The following MAGI1 variants were observed in gnomAD, a reference collection of about 807,000 sequenced individuals.
MAGI1 encodes membrane-associated guanylate kinase, WW and PDZ domain-containing protein 1.
Under a neutral mutation model 139.9 loss-of-function variants are expected in MAGI1, and 58 were observed. That is an observed-to-expected ratio of 0.41 (90% CI 0.34 to 0.52). The LOEUF is 0.52. Ranked by LOEUF, MAGI1 falls within the 20% of genes least tolerant of loss-of-function variation. The pLI is 0.12. For synonymous variants in MAGI1, 812 were observed against 737.9 expected (o/e 1.10, Z -1.63); for missense variants, 1,874 against 1,901.6 (o/e 0.99, Z 0.27).
rs1416568129 is a variant in MAGI1, at chr3:66,037,995, C to T, written c.313+1G>A. On this transcript the variant is annotated splice_donor_variant, in intron 1 of 22. Coordinates refer to ENST00000402939, the MANE Select transcript of MAGI1 (RefSeq NM_001033057.2). LOFTEE classifies it high-confidence loss of function. ...CCCCCCAAAGGCGCGCCCTGCCTTA[C>T]CTTGTCTGACGGCCTTGAAGGTGAC... is the stretch of plus-strand genomic sequence containing the variant. The T allele has an allele frequency of 1.3e-6, 2 of 1,570,282 alleles. No individual in the cohort carries two copies. Among genetic ancestry groups the T allele is most frequent in the African/African-American group, 1.4e-5 (1 of 73,986 alleles).
chr3:65,900,762 A>G (rs1334252623), intron 1 of MAGI1, among the ~76,000 whole-genome samples: 6 of 152,198 alleles, frequency 3.9e-5, no homozygotes, highest in Non-Finnish European at 8.8e-5. Flanking sequence ...TTCGCATAGA[A>G]CGCCATTACG....
At chr3:65,506,349 C>T (rs2077289150) in intron 2 of MAGI1, among the ~76,000 whole-genome samples, 1 of 152,140 alleles carries the variant, frequency 6.6e-6, no homozygotes, top group African/African-American at 2.4e-5. Flanking sequence ...CCACGCCCGC[C>T]CCCAACAACA....
chr3:65,417,259 C>T (rs1946292792), intron 12 of MAGI1, among the ~76,000 whole-genome samples: 1 of 152,110 alleles, frequency 6.6e-6, no homozygotes, highest in Admixed American at 6.6e-5. Context: ...CTGCAGCAAA[C>T]CACCATGGCA....
chr3:65,693,749 A>C (rs2088892352), intron 1 of MAGI1, among the ~76,000 whole-genome samples: 1 of 151,538 alleles, frequency 6.6e-6, no homozygotes, highest in South Asian at 2.1e-4. Context: ...TTGGAGATGG[A>C]GTCTTGTTCT....
In MAGI1 at chr3:65,707,621, T is replaced by C. The variant is rs542352692; in HGVS notation, c.314-85533A>G. On this transcript the variant is annotated intron_variant, in intron 1 of 22. Coordinates refer to ENST00000402939, the MANE Select transcript of MAGI1 (RefSeq NM_001033057.2). ...GGGAGGACTGCTTAAACCTGAGAGG[T>C]TGAAGCTACAGTGAACCATGATGGG... Among the ~76,000 whole-genome samples, 73 of 149,690 alleles carry C rather than the reference T, an allele frequency of 4.9e-4. No homozygotes were observed. In the East Asian group the frequency reaches 0.012, roughly 24 times the overall value.
At chr3:65,411,699 T>C (rs1224533197) in intron 12 of MAGI1, among the ~76,000 whole-genome samples, 1 of 152,174 alleles carries the variant, frequency 6.6e-6, no homozygotes, top group Non-Finnish European at 1.5e-5. Flanking sequence ...TTTGCATTGC[T>C]GACTTTTAGG....
intron 2 of MAGI1, among the ~76,000 whole-genome samples, chr3:65,601,875 C>A (rs925420055): frequency 1.3e-5 from 2 of 151,988 alleles, no homozygotes; most frequent in Non-Finnish European, 2.9e-5. Flanking sequence ...GTCCTTGTAT[C>A]CAGAATATGT....
rs116288222 is a variant in MAGI1 at position 65,820,456 on chromosome 3, G to A, written c.314-198368C>T. Among the ~76,000 whole-genome samples the A allele has an allele frequency of 1.9e-3, 282 of 152,244 alleles. 1 individual carries two copies. The highest frequency in any genetic ancestry group is 6.5e-3 in the African/African-American group (271 of 41,548). On this transcript the variant is annotated intron_variant, in intron 1 of 22. Transcript: ENST00000402939. ...CTGATGGATACAAGGGGTAGTTATG[G>A]CATAGGGATCTCTTTTAAGTCGAGG...
At chr3:65,375,281 C>A (rs141593631) in intron 18 of MAGI1, among the ~76,000 whole-genome samples, 3 of 151,642 alleles carry the variant, frequency 2.0e-5, no homozygotes, top group Admixed American at 1.3e-4. Flanking sequence ...CTCCGCCTCC[C>A]GGGTTCACAC....
intron 3 of MAGI1, among the ~76,000 whole-genome samples, chr3:65,480,566 A>T (rs1951212861): frequency 6.9e-6 from 1 of 145,500 alleles, no homozygotes; most frequent in Non-Finnish European, 1.5e-5. Flanking sequence ...ATCAGGCTTT[A>T]TTCTTATAAA....
rs139980041 is a variant in MAGI1 at position 65,565,055 on chromosome 3, C to T, written c.430+56917G>A. ...TCATTCTTTCCAAACCTAGATAACA[C>T]GAATAGGCTCCAAAACAAGCCTGCA... On this transcript the variant is annotated intron_variant, in intron 2 of 22. Transcript: ENST00000402939. Among the ~76,000 whole-genome samples, 407 of 152,254 alleles carry T rather than the reference C, an allele frequency of 2.7e-3. 2 individuals are homozygous for T. Among genetic ancestry groups the T allele is most frequent in the African/African-American group, 8.5e-3 (352 of 41,550 alleles).
At position 65,368,696 on chromosome 3, in the gene MAGI1, A is replaced by G. The variant is rs1472910161; in HGVS notation, c.3197-3750T>C. The stretch of plus-strand genomic sequence containing the variant: ...GGCGGCATGGGGAAATTTGAATCCC[A>G]TAAATATTTGAAAAGTTTTGGGGGA... On this transcript the variant is annotated intron_variant, in intron 18 of 22. Transcript: ENST00000402939. Among the ~76,000 whole-genome samples the G allele has an allele frequency of 3.3e-5, 5 of 152,334 alleles. No homozygotes were observed. The East Asian group carries it at 9.6e-4, about 29-fold the overall frequency.
chr3:65,429,212 C>T (rs2107335632), intron 12 of MAGI1, among the ~76,000 whole-genome samples: 1 of 152,190 alleles, frequency 6.6e-6, no homozygotes, highest in South Asian at 2.1e-4. Flanking sequence ...ATCTTCCTGC[C>T]TCAGCCTCTC....
At position 65,428,966 on chromosome 3, in the gene MAGI1, A is replaced by G. The variant is rs1947272753; in HGVS notation, c.2167+554T>C. On this transcript the variant is annotated intron_variant, in intron 12 of 22. Transcript: ENST00000402939. ...GGGCCTGAGGCAAGAAAAGGCTTGA[A>G]GCATTAAAGGAGCTCCATAAAAGCA... Among the ~76,000 whole-genome samples, 3 of 152,116 alleles carry G rather than the reference A, an allele frequency of 2.0e-5. No individual in the cohort carries two copies. The South Asian group carries it at 6.2e-4, about 32-fold the overall frequency.
chr3:65,509,286 T>G (rs1051090103), intron 2 of MAGI1, among the ~76,000 whole-genome samples: 24 of 152,130 alleles, frequency 1.6e-4, no homozygotes, highest in African/African-American at 5.1e-4. Flanking sequence ...ATTTGGGTTT[T>G]GTTTTTGGGG....
chr3:65,529,759 C>T (rs995248931), intron 2 of MAGI1, among the ~76,000 whole-genome samples: 2 of 152,136 alleles, frequency 1.3e-5, no homozygotes, highest in Admixed American at 6.5e-5. Context: ...TGTATACACA[C>T]ACATAGATAA....
At chr3:65,727,979 G>A (rs746056932) in intron 1 of MAGI1, among the ~76,000 whole-genome samples, 7 of 152,162 alleles carry the variant, frequency 4.6e-5, no homozygotes, top group Non-Finnish European at 8.8e-5. Context: ...AAGTCAATTA[G>A]TACCCCCACC....
intron 1 of MAGI1, among the ~76,000 whole-genome samples, chr3:65,668,981 G>A (rs2107449908): frequency 6.6e-6 from 1 of 152,146 alleles, no homozygotes; most frequent in East Asian, 1.9e-4. Flanking sequence ...TGCCCAGGCT[G>A]GAGTGCAGTG....
At chr3:65,463,138 C>T (rs567279223) in intron 5 of MAGI1, among the ~76,000 whole-genome samples, 1 of 151,946 alleles carries the variant, frequency 6.6e-6, no homozygotes, top group East Asian at 1.9e-4. Flanking sequence ...TTGCCCTAGC[C>T]AGAACTTCCA....
Sources: allele counts gnomAD v4.1 joint callset (sites outside exome capture counted in the v4.1 genomes callset), GRCh38; gene constraint gnomAD v4.1.1; transcripts MANE v1.5; gene names NCBI Gene and HGNC (gene_info 2026-07-23, HGNC 2026-07-21).